The following PRIM2 variants were observed in gnomAD, a reference collection of about 807,000 sequenced individuals.
The protein encoded by PRIM2 is DNA primase large subunit.
A neutral mutation model predicts 67.3 loss-of-function variants in PRIM2; 39 were observed. That is an observed-to-expected ratio of 0.58 (90% CI 0.45 to 0.76). The LOEUF is 0.76. Ranked by LOEUF, PRIM2 falls within the 30% of genes least tolerant of loss-of-function variation. PRIM2 has a pLI of 0.00. For synonymous variants in PRIM2, 143 were observed against 198.7 expected, an observed-to-expected ratio of 0.72 and a Z score of 2.36; for missense variants, 398 against 598.7, an observed-to-expected ratio of 0.66 and a Z score of 3.50.
At chr6:57,288,476 G>A in the PRIM2 span, among the ~76,000 whole-genome samples, 2 of 152,292 alleles carry the variant, frequency 1.3e-5, no homozygotes, top group Non-Finnish European at 2.9e-5. Flanking sequence ...CTTTGAGAAT[G>A]GACAGACTGC....
intron 7 of PRIM2, among the ~76,000 whole-genome samples, chr6:57,469,415 G>A (rs1773284375): frequency 6.6e-6 from 1 of 152,194 alleles, no homozygotes; most frequent in Non-Finnish European, 1.5e-5. Flanking sequence ...AATGAGAACA[G>A]ACAGTGACAT....
intron 5 of PRIM2, among the ~76,000 whole-genome samples, chr6:57,371,555 T>C (rs1355127211): frequency 6.6e-6 from 1 of 152,202 alleles, no homozygotes; most frequent in Non-Finnish European, 1.5e-5. Context: ...CAAGATTTAT[T>C]TGGGCAACAA....
chr6:57,453,768 T>C (rs976874689), intron 7 of PRIM2, among the ~76,000 whole-genome samples: 2 of 152,188 alleles, frequency 1.3e-5, no homozygotes, highest in Admixed American at 1.3e-4. Context: ...CCTAATTGAA[T>C]ACCCTTTATT....
chr6:57,570,040 A>G (rs1775833241), intron 10 of PRIM2, among the ~76,000 whole-genome samples: 1 of 152,108 alleles, frequency 6.6e-6, no homozygotes, highest in Non-Finnish European at 1.5e-5. Flanking sequence ...ACGCCCTGCC[A>G]CTTTGTTTAA....
intron 5 of PRIM2, among the ~76,000 whole-genome samples, chr6:57,342,306 G>A (rs112013149): frequency 1.7e-4 from 26 of 152,268 alleles, no homozygotes; most frequent in Middle Eastern, 3.4e-3. Context: ...TTTCTAAGGC[G>A]TTTCAATGAG....
At chr6:57,342,719 A>T (rs4992406) in intron 5 of PRIM2, among the ~76,000 whole-genome samples, 1 of 152,186 alleles carries the variant, frequency 6.6e-6, no homozygotes, top group South Asian at 2.1e-4. Flanking sequence ...TGATGACTCT[A>T]CCTCATATTA....
intron 10 of PRIM2, among the ~76,000 whole-genome samples, chr6:57,549,271 C>G (rs1775352592): frequency 1.3e-5 from 2 of 152,194 alleles, no homozygotes; most frequent in Middle Eastern, 3.2e-3. Flanking sequence ...TTTAATCTCA[C>G]ACCACCACCA....
At chr6:57,488,417 A>G (rs1390786655) in intron 7 of PRIM2, among the ~76,000 whole-genome samples, 38 of 152,210 alleles carry the variant, frequency 2.5e-4, no homozygotes, top group African/African-American at 8.4e-4. Context: ...TTCTTGGGAA[A>G]ACTTTAGTCT....
At chr6:57,456,038 C>A (rs1161401696) in intron 7 of PRIM2, among the ~76,000 whole-genome samples, 3 of 152,034 alleles carry the variant, frequency 2.0e-5, no homozygotes, top group Non-Finnish European at 2.9e-5. Flanking sequence ...TTCTCCTTCA[C>A]TTATGAAGCT....
intron 10 of PRIM2, among the ~76,000 whole-genome samples, chr6:57,543,024 C>T (rs1199384716): frequency 7.3e-6 from 1 of 137,614 alleles, no homozygotes; most frequent in Non-Finnish European, 1.5e-5. Context: ...CTGCAGGCTC[C>T]GCCCCCTGGG....
At chr6:57,525,143 GGCTTT>G in intron 8 of PRIM2, among the ~76,000 whole-genome samples, 1 of 148,298 alleles carries the variant, frequency 6.7e-6, no homozygotes, top group South Asian at 2.1e-4. Context: ...AAATTTTCTT[GGCTTT>G]GCTTCTCCTT....
At chr6:57,611,181 A>T (rs1321228402) in intron 12 of PRIM2, among the ~76,000 whole-genome samples, 1 of 152,250 alleles carries the variant, frequency 6.6e-6, no homozygotes, top group Non-Finnish European at 1.5e-5. Context: ...ACAGTGAACA[A>T]TTGGAAATTA....
chr6:57,268,346 C>T, the PRIM2 span, among the ~76,000 whole-genome samples: 1 of 152,178 alleles, frequency 6.6e-6, no homozygotes, highest in African/African-American at 2.4e-5. Context: ...GAGTTAAAGG[C>T]AGAAAATATT....
At chr6:57,452,262 A>G (rs1197376825) in intron 7 of PRIM2, among the ~76,000 whole-genome samples, 1 of 152,178 alleles carries the variant, frequency 6.6e-6, no homozygotes, top group Non-Finnish European at 1.5e-5. Context: ...ATGTGTCTTT[A>G]TAGCAGCATT....
At chr6:57,466,142 G>T (rs77236792) in intron 7 of PRIM2, among the ~76,000 whole-genome samples, 1 of 152,146 alleles carries the variant, frequency 6.6e-6, no homozygotes, top group Non-Finnish European at 1.5e-5. Flanking sequence ...CCCTGCAAAA[G>T]ACATGAACTT....
chr6:57,338,250 T>A (rs1297327912), intron 5 of PRIM2, among the ~76,000 whole-genome samples: 2 of 152,072 alleles, frequency 1.3e-5, no homozygotes, highest in Non-Finnish European at 2.9e-5. Context: ...CAGGACCAGA[T>A]GGATTCACAG....
chr6:57,274,675 C>T, the PRIM2 span, among the ~76,000 whole-genome samples: 1 of 152,242 alleles, frequency 6.6e-6, no homozygotes, highest in South Asian at 2.1e-4. Flanking sequence ...GTGAGATGAA[C>T]CTGATACTTC....
rs1776457053 is a variant in PRIM2 at position 57,601,186 on chromosome 6, C to T, written c.1114C>T (p.Leu372=). The change falls in exon 11 of 14, where the codon CTG becomes TTG. Residue 372 remains leucine, a synonymous_variant. Transcript: ENST00000615550. ...ACCTTTCAGTTGCCTGAAGATTATT[C>T]TGTCCAATCCACCAAGCCAAGGGGA... ...YTPFSCLKII[L]SNPPSQGDYH... 1 of 1,611,000 alleles carries T rather than the reference C, an allele frequency of 6.2e-7. No homozygotes were observed.
chr6:57,573,659 T>A (rs1186811050), intron 10 of PRIM2, among the ~76,000 whole-genome samples: 1 of 152,170 alleles, frequency 6.6e-6, no homozygotes, highest in South Asian at 2.1e-4. Flanking sequence ...GAAAAGTTGT[T>A]TCATGTGATA....
Sources: gnomAD v4.1 joint callset for allele counts (sites outside exome capture counted in the v4.1 genomes callset) on GRCh38, gnomAD v4.1.1 for gene constraint, MANE v1.5 for transcripts, NCBI Gene and HGNC (gene_info 2026-07-23, HGNC 2026-07-21) for gene names.